The following AK5 variants were observed in gnomAD, a reference collection of about 807,000 sequenced individuals.
AK5 encodes adenylate kinase isoenzyme 5.
Under a neutral mutation model 69.5 loss-of-function variants are expected in AK5, and 27 were observed. The observed-to-expected ratio is 0.39, with a 90% CI of 0.29 to 0.54. The LOEUF (loss-of-function observed/expected upper bound fraction) is 0.54. AK5 is among the 20% of genes least tolerant of loss of function. The pLI is 0.71. For missense variants in AK5, 531 were observed against 700.4 expected (o/e 0.76, Z 2.73); for synonymous variants, 260 against 244.4 (o/e 1.06, Z -0.60).
intron 10 of AK5, among the ~76,000 whole-genome samples, chr1:77,489,593 C>T (rs563172726): frequency 1.3e-5 from 2 of 152,284 alleles, no homozygotes; most frequent in South Asian, 4.1e-4. Context: ...GTGGTTTTGT[C>T]TATTTGAGAA....
chr1:77,459,283 A>C (rs191997890), intron 8 of AK5, among the ~76,000 whole-genome samples: 1 of 152,192 alleles, frequency 6.6e-6, no homozygotes, highest in African/African-American at 2.4e-5. Context: ...CATGGATTAT[A>C]CTTTTCCAAA....
chr1:77,524,955 T>C (rs1658191561), intron 12 of AK5, among the ~76,000 whole-genome samples: 1 of 152,244 alleles, frequency 6.6e-6, no homozygotes, highest in South Asian at 2.1e-4. Context: ...TCGCCCAGGC[T>C]GGAGTACAGT....
intron 13 of AK5, among the ~76,000 whole-genome samples, chr1:77,545,455 ATATTCTACAGTT>A (rs1659492577): frequency 6.6e-6 from 1 of 152,190 alleles, no homozygotes; most frequent in South Asian, 2.1e-4. Context: ...CACAATATAG[ATATTCTACAGTT>A]TATTCAACTA....
chr1:77,508,722 C>T (rs548383808), intron 10 of AK5, among the ~76,000 whole-genome samples: 16 of 152,036 alleles, frequency 1.1e-4, no homozygotes, highest in Non-Finnish European at 1.6e-4. Context: ...CGAAAAACAG[C>T]CAGGTGTGGT....
At chr1:77,497,201 G>A (rs1168638617) in intron 10 of AK5, among the ~76,000 whole-genome samples, 1 of 152,198 alleles carries the variant, frequency 6.6e-6, no homozygotes, top group Non-Finnish European at 1.5e-5. Context: ...ACCCTTAAGA[G>A]CTGTAACGCT....
intron 2 of AK5, 194 bp from the exon 3 acceptor site, chr1:77,293,599 C>G (rs181704265): frequency 4.4e-6 from 2 of 457,476 alleles, no homozygotes; most frequent in Non-Finnish European, 3.8e-6. Context: ...AGAAACTGCA[C>G]GGCTCTCAAA....
At chr1:77,400,041 C>A (rs1649101420) in intron 6 of AK5, among the ~76,000 whole-genome samples, 1 of 152,216 alleles carries the variant, frequency 6.6e-6, no homozygotes, top group Non-Finnish European at 1.5e-5. Flanking sequence ...AGCCACCCAG[C>A]AAGGTACATG....
At chr1:77,283,016 A>C (rs1260644276) in intron 1 of AK5, 2 of 985,478 alleles carry the variant, frequency 2.0e-6, no homozygotes, top group Middle Eastern at 5.2e-4. Flanking sequence ...AGGTTTCGCC[A>C]GTGCTCGACA....
At position 77,293,833 on chromosome 1, in the gene AK5, C is replaced by T; in HGVS notation, c.288C>T (p.Asp96=). The T allele has an allele frequency of 6.2e-7, 1 of 1,611,752 alleles. No homozygotes were observed. The highest frequency in any genetic ancestry group is 8.5e-7 in the Non-Finnish European group (1 of 1,179,294). ...CAAACTTTCCATATCGGCGGTATGACCGGCTCCCTCCAATCCATCAATTCT... is the reference window on the plus strand; with the variant it reads ...CAAACTTTCCATATCGGCGGTATGATCGGCTCCCTCCAATCCATCAATTCT... The part of the protein sequence containing the change: ...ENSNFPYRRY[D]RLPPIHQFSI... The change falls in exon 3 of 14, where the codon GAC becomes GAT. Residue 96 remains aspartate, a synonymous_variant. Transcript: ENST00000354567.
intron 6 of AK5, among the ~76,000 whole-genome samples, chr1:77,390,757 T>C (rs888500579): frequency 3.4e-4 from 51 of 152,234 alleles, no homozygotes; most frequent in African/African-American, 1.2e-3. Context: ...TTTTTATGTA[T>C]ATAATACTAT....
At chr1:77,557,490 G>A (rs1270124492) in intron 13 of AK5, among the ~76,000 whole-genome samples, 3 of 152,110 alleles carry the variant, frequency 2.0e-5, no homozygotes, top group Non-Finnish European at 2.9e-5. Context: ...AATCTCAGCG[G>A]TGGGTGCGTT....
At chr1:77,413,975 A>G (rs1404943653) in intron 7 of AK5, among the ~76,000 whole-genome samples, 1 of 152,124 alleles carries the variant, frequency 6.6e-6, no homozygotes, top group African/African-American at 2.4e-5. Context: ...CTCTTCCTAC[A>G]CATTGTAATG....
intron 6 of AK5, among the ~76,000 whole-genome samples, chr1:77,410,119 T>C (rs1649937825): frequency 6.6e-6 from 1 of 152,132 alleles, no homozygotes; most frequent in Non-Finnish European, 1.5e-5. Context: ...TATAACTATG[T>C]CATTTTAAAA....
At position 77,391,471 on chromosome 1, in the gene AK5, ATG is replaced by A. The variant is rs66907899; in HGVS notation, c.892-19500_892-19499del. Among the ~76,000 whole-genome samples the A allele has an allele frequency of 2.8e-3, 166 of 60,034 alleles. 4 individuals carry two copies. Among genetic ancestry groups the A allele is most frequent in the Middle Eastern group, 5.7e-3 (1 of 176 alleles). 39.4% of individuals were successfully genotyped at this position (60,034 alleles called of 152,430 possible). Reference sequence around the variant, plus strand: ...TGTGTGTGTATATATATATACACATATGTGTGTGTGTATGTGTGTGTGTGTAT... The same window carrying A: ...TGTGTGTGTATATATATATACACATATGTGTGTGTATGTGTGTGTGTGTAT... On this transcript the variant is annotated intron_variant, in intron 6 of 13. Transcript: ENST00000354567.
chr1:77,470,858 TATATATATATA>T (rs1217017366), intron 8 of AK5, among the ~76,000 whole-genome samples: 192 of 9,232 alleles, frequency 0.021, 20 homozygotes, highest in Non-Finnish European at 0.023. Context: ...TATATATATA[TATATATATATA>T]TATATATTTT....
chr1:77,537,549 G>C (rs1283919992), intron 13 of AK5, among the ~76,000 whole-genome samples: 1 of 152,064 alleles, frequency 6.6e-6, no homozygotes, highest in Non-Finnish European at 1.5e-5. Flanking sequence ...AAATCCATAA[G>C]GATGACAGAG....
intron 8 of AK5, among the ~76,000 whole-genome samples, chr1:77,430,032 G>A (rs1651501017): frequency 6.6e-6 from 1 of 151,934 alleles, no homozygotes; most frequent in Non-Finnish European, 1.5e-5. Flanking sequence ...GAGGAGGGAG[G>A]AGAGTGTGTT....
chr1:77,327,753 T>A (rs1226030675), intron 5 of AK5, among the ~76,000 whole-genome samples: 1 of 152,226 alleles, frequency 6.6e-6, no homozygotes, highest in Admixed American at 6.5e-5. Context: ...GTTTGCCTAG[T>A]GTTAGCACTT....
chr1:77,475,436 T>A (rs183160650), intron 8 of AK5, among the ~76,000 whole-genome samples: 2 of 3,440 alleles, frequency 5.8e-4, no homozygotes, highest in East Asian at 8.5e-3. Flanking sequence ...TATATATATG[T>A]ATATATATTA....
Sources: gnomAD v4.1 joint callset for allele counts (sites outside exome capture counted in the v4.1 genomes callset) on GRCh38, gnomAD v4.1.1 for gene constraint, MANE v1.5 for transcripts, NCBI Gene and HGNC (gene_info 2026-07-23, HGNC 2026-07-21) for gene names.